The following BCKDHB variants were observed in gnomAD, a reference collection of about 807,000 sequenced individuals.
The protein encoded by BCKDHB is 2-oxoisovalerate dehydrogenase subunit beta, mitochondrial.
In BCKDHB, 41 loss-of-function variants were observed where a neutral mutation model predicts 48.5. The ratio of observed to expected loss-of-function variants is 0.85; its 90% CI spans 0.66 to 1.10. The LOEUF (loss-of-function observed/expected upper bound fraction) is 1.10, where lower values mean the gene tolerates loss of function less well. Among genes scored for constraint, BCKDHB ranks in the 50% least tolerant of loss-of-function variants. BCKDHB has a pLI of 0.00. For missense variants in BCKDHB, 496 were observed against 494.2 expected (o/e 1.00, Z -0.03); for synonymous variants, 201 against 174.8 (o/e 1.15, Z -1.18).
At chr6:80,272,003 A>G (rs1001582997) in intron 8 of BCKDHB, among the ~76,000 whole-genome samples, 4 of 152,156 alleles carry the variant, frequency 2.6e-5, no homozygotes, top group East Asian at 3.9e-4. Flanking sequence ...TACAAATGGC[A>G]TAATTAATCA....
At chr6:80,211,814 A>G (rs1284747033) in intron 8 of BCKDHB, among the ~76,000 whole-genome samples, 1 of 152,212 alleles carries the variant, frequency 6.6e-6, no homozygotes, top group Non-Finnish European at 1.5e-5. Flanking sequence ...GGACTTTTAC[A>G]GCTGGGCCAC....
intron 8 of BCKDHB, among the ~76,000 whole-genome samples, chr6:80,231,586 G>A (rs1209657962): frequency 6.6e-6 from 1 of 152,196 alleles, no homozygotes; most frequent in Non-Finnish European, 1.5e-5. Flanking sequence ...CATAGAAGCT[G>A]TAACCTTTTG....
At chr6:80,449,407 C>T in the BCKDHB span, among the ~76,000 whole-genome samples, 4 of 152,044 alleles carry the variant, frequency 2.6e-5, no homozygotes, top group African/African-American at 9.7e-5. Context: ...CTCGTCAGTA[C>T]AAGGCCTTGT....
At chr6:80,406,465 CCCA>C in the BCKDHB span, among the ~76,000 whole-genome samples, 6 of 152,330 alleles carry the variant, frequency 3.9e-5, no homozygotes, top group Admixed American at 6.5e-5. Flanking sequence ...AATTTACACT[CCCA>C]CCAACAGTGT....
chr6:80,401,949 T>A, the BCKDHB span, among the ~76,000 whole-genome samples: 1 of 151,856 alleles, frequency 6.6e-6, no homozygotes, highest in Admixed American at 6.6e-5. Context: ...TAAATAATAT[T>A]CTATTGCATA....
At chr6:80,135,996 T>C (rs914230146) in intron 3 of BCKDHB, 1 of 152,202 alleles carries the variant, frequency 6.6e-6, no homozygotes, top group Non-Finnish European at 1.5e-5. Context: ...TGTGTCAAAG[T>C]TTCCTCCCTT....
At chr6:80,364,143 G>A in the BCKDHB span, among the ~76,000 whole-genome samples, 89 of 152,274 alleles carry the variant, frequency 5.8e-4, 1 homozygote, top group Non-Finnish European at 7.8e-4. Context: ...ATTCATGTGT[G>A]TATGAATCAT....
At chr6:80,277,308 A>G (rs909525112) in intron 9 of BCKDHB, among the ~76,000 whole-genome samples, 2 of 152,076 alleles carry the variant, frequency 1.3e-5, no homozygotes, top group Non-Finnish European at 1.5e-5. Flanking sequence ...GGTTTTTTTA[A>G]GAAAGCCTTT....
intron 6 of BCKDHB, among the ~76,000 whole-genome samples, chr6:80,176,657 C>T (rs1475869813): frequency 6.6e-6 from 1 of 152,052 alleles, no homozygotes; most frequent in Non-Finnish European, 1.5e-5. Context: ...ACAAGATGAA[C>T]CTTACACAGG....
intron 9 of BCKDHB, among the ~76,000 whole-genome samples, chr6:80,322,498 A>G (rs1045991315): frequency 1.3e-5 from 2 of 151,896 alleles, no homozygotes; most frequent in African/African-American, 4.8e-5. Context: ...CGGCCTCCCA[A>G]AGTGCTGGGA....
the BCKDHB span, among the ~76,000 whole-genome samples, chr6:80,394,888 GT>G: frequency 6.6e-6 from 1 of 152,270 alleles, no homozygotes; most frequent in South Asian, 2.1e-4. Flanking sequence ...CTATGCTGCT[GT>G]TCTTGTGATA....
chr6:80,127,072 C>G (rs544974997), intron 1 of BCKDHB, among the ~76,000 whole-genome samples: 97 of 152,224 alleles, frequency 6.4e-4, no homozygotes, highest in African/African-American at 2.0e-3. Flanking sequence ...GTTCCAAACT[C>G]CAGCAGTTCC....
At chr6:80,132,358 A>G (rs1770673782) in intron 3 of BCKDHB, among the ~76,000 whole-genome samples, 2 of 152,182 alleles carry the variant, frequency 1.3e-5, no homozygotes. Flanking sequence ...AAGCTGTTCC[A>G]CAGAATGGAT....
At chr6:80,293,860 A>G (rs1767074142) in intron 9 of BCKDHB, among the ~76,000 whole-genome samples, 1 of 152,202 alleles carries the variant, frequency 6.6e-6, no homozygotes, top group Admixed American at 6.5e-5. Context: ...GGGCAGGAGC[A>G]AAATACCACC....
At chr6:80,205,798 G>A (rs1337409303) in intron 8 of BCKDHB, among the ~76,000 whole-genome samples, 5 of 141,912 alleles carry the variant, frequency 3.5e-5, no homozygotes, top group African/African-American at 1.3e-4. Context: ...ATGGGTGTGT[G>A]TGTGTGTGTG....
At chr6:80,203,237 G>A (rs772366202) in intron 8 of BCKDHB, 25 bp downstream of exon 8, 1 of 1,495,794 alleles carries the variant, frequency 6.7e-7, no homozygotes, top group Non-Finnish European at 9.3e-7. Context: ...GTGATAGAAT[G>A]TCATTTCCCT....
At chr6:80,157,057 G>A (rs1349275480) in intron 3 of BCKDHB, among the ~76,000 whole-genome samples, 3 of 152,026 alleles carry the variant, frequency 2.0e-5, no homozygotes, top group African/African-American at 7.2e-5. Context: ...CTTAAAAGTT[G>A]TATATCTAGT....
chr6:80,193,925 A>G (rs1176868000), intron 6 of BCKDHB, among the ~76,000 whole-genome samples: 1 of 152,192 alleles, frequency 6.6e-6, no homozygotes, highest in African/African-American at 2.4e-5. Flanking sequence ...AAATTTATCC[A>G]GGAAGATAAG....
the BCKDHB span, among the ~76,000 whole-genome samples, chr6:80,375,837 G>A: frequency 2.2e-4 from 33 of 152,054 alleles, 2 homozygotes; most frequent in Non-Finnish European, 1.5e-5. Context: ...TTTTTCCCAT[G>A]GGGAGCTTGC....
Sources: gnomAD v4.1 joint callset for allele counts (sites outside exome capture counted in the v4.1 genomes callset) on GRCh38, gnomAD v4.1.1 for gene constraint, MANE v1.5 for transcripts, NCBI Gene and HGNC (gene_info 2026-07-23, HGNC 2026-07-21) for gene names.